The following AFF3 variants were observed in gnomAD, a reference collection of about 807,000 sequenced individuals.
AFF3 encodes the protein AF4/FMR2 family member 3.
A neutral mutation model predicts 129.7 loss-of-function variants in AFF3; 32 were observed. That is an observed-to-expected ratio of 0.25 (90% CI 0.19 to 0.33). The LOEUF (loss-of-function observed/expected upper bound fraction) is 0.33, where lower values mean the gene tolerates loss of function less well. Ranked by LOEUF, AFF3 falls within the 10% of genes least tolerant of loss-of-function variation. AFF3 has a pLI of 1.00. For missense variants in AFF3, 1,373 were observed against 1,592.0 expected (o/e 0.86, Z 2.34); for synonymous variants, 644 against 635.4 (o/e 1.01, Z -0.20).
chr2:99,611,886 C>CAA (rs36056201), intron 13 of AFF3, among the ~76,000 whole-genome samples: 22,578 of 145,030 alleles, frequency 0.16, 2,107 homozygotes, highest in South Asian at 0.24. Context: ...GATATCATCT[C>CAA]AAAAAAAAAA....
intron 7 of AFF3, among the ~76,000 whole-genome samples, chr2:99,992,230 G>T (rs989333130): frequency 6.6e-6 from 1 of 151,840 alleles, no homozygotes; most frequent in Non-Finnish European, 1.5e-5. Flanking sequence ...AGGAAATACA[G>T]CTCAGAAAAA....
chr2:99,947,674 A>AGATC (rs1375374932), intron 7 of AFF3, among the ~76,000 whole-genome samples: 284 of 152,130 alleles, frequency 1.9e-3, no homozygotes, highest in Non-Finnish European at 2.9e-3. Flanking sequence ...ACAGACAGAT[A>AGATC]GATCGATCCA....
At chr2:99,883,702 C>T (rs1238438947) in intron 7 of AFF3, among the ~76,000 whole-genome samples, 2 of 152,146 alleles carry the variant, frequency 1.3e-5, no homozygotes, top group Admixed American at 1.3e-4. Context: ...CTTCTCTTCC[C>T]TTCCCAACTG....
chr2:100,008,786 GAGATGAAC>G lies in AFF3; in HGVS notation c.174+18_174+25del. 2 of 1,610,102 alleles carry G rather than the reference GAGATGAAC, an allele frequency of 1.2e-6. No individual in the cohort carries two copies. The highest frequency in any genetic ancestry group is 1.7e-6 in the Non-Finnish European group (2 of 1,177,994). On this transcript the variant is annotated intron_variant, in intron 5 of 24. Coordinates refer to ENST00000672756, the MANE Select transcript of AFF3 (RefSeq NM_001386135.1). ...GAGTGAGAGAAACAAGTGAGAGGTAGAGATGAACAACTGAAAACCATCTACCTTGTAGG... is the reference window on the plus strand; with the variant it reads ...GAGTGAGAGAAACAAGTGAGAGGTAGAACTGAAAACCATCTACCTTGTAGG...
chr2:100,105,199 C>T lies in AFF3; in HGVS notation c.-65+305G>A, dbSNP rs1469763995. On this transcript the variant is annotated intron_variant, in intron 3 of 24. Coordinates refer to ENST00000672756, the MANE Select transcript of AFF3 (RefSeq NM_001386135.1). ...CCTTGCCCGGGCTGCACGCACTTCT[C>T]CCGCGGCCCAGAATCCACTTGACCC... 7 of 656,718 alleles carry T rather than the reference C, an allele frequency of 1.1e-5. No individual in the cohort carries two copies. The Admixed American group carries it at 2.1e-4, about 19-fold the overall frequency. 40.7% of individuals were successfully genotyped at this position (656,718 alleles called of 1,614,324 possible).
intron 7 of AFF3, among the ~76,000 whole-genome samples, chr2:99,986,673 T>A (rs1287284526): frequency 6.6e-6 from 1 of 152,190 alleles, no homozygotes; most frequent in African/African-American, 2.4e-5. Flanking sequence ...TAAAGAACAA[T>A]AATTCATACA....
At chr2:99,714,973 C>T (rs1008270360) in intron 11 of AFF3, among the ~76,000 whole-genome samples, 2 of 152,210 alleles carry the variant, frequency 1.3e-5, no homozygotes, top group African/African-American at 4.8e-5. Context: ...GGGCATCATC[C>T]AGACCTGCTC....
At chr2:100,057,132 C>T (rs929096218) in intron 4 of AFF3, among the ~76,000 whole-genome samples, 3 of 152,014 alleles carry the variant, frequency 2.0e-5, no homozygotes, top group Admixed American at 1.3e-4. Context: ...ACCAGCGTGG[C>T]CAACACGGTG....
At chr2:99,759,442 ATTTAC>A (rs1422536438) in intron 8 of AFF3, among the ~76,000 whole-genome samples, 4 of 37,050 alleles carry the variant, frequency 1.1e-4, no homozygotes, top group African/African-American at 4.1e-4. Context: ...TGAGAGGGAT[ATTTAC>A]TTATCTTTGT....
intron 11 of AFF3, among the ~76,000 whole-genome samples, chr2:99,694,385 G>A (rs1208844474): frequency 1.3e-5 from 2 of 152,116 alleles, no homozygotes; most frequent in Non-Finnish European, 2.9e-5. Context: ...GCTATGAGCA[G>A]TAGGCCACAG....
intron 12 of AFF3, among the ~76,000 whole-genome samples, chr2:99,672,052 A>G (rs1687187571): frequency 6.6e-6 from 1 of 152,084 alleles, no homozygotes; most frequent in African/African-American, 2.4e-5. Flanking sequence ...TCACCTCTAC[A>G]TTTGCTCCTT....
chr2:99,739,936 A>G (rs1289917426), intron 10 of AFF3, among the ~76,000 whole-genome samples: 10 of 149,098 alleles, frequency 6.7e-5, no homozygotes, highest in South Asian at 4.4e-4. Context: ...AACATTAGGT[A>G]TATCTCCTAA....
chr2:99,853,727 T>C (rs74684393), intron 7 of AFF3, among the ~76,000 whole-genome samples: 5,192 of 152,314 alleles, frequency 0.034, 139 homozygotes, highest in East Asian at 0.064. Context: ...GCCACGTCTG[T>C]GCTCTTAACT....
intron 8 of AFF3, among the ~76,000 whole-genome samples, chr2:99,835,502 A>C (rs1344700): frequency 0.63 from 95,549 of 151,826 alleles, 31,097 homozygotes; most frequent in South Asian, 0.79. Flanking sequence ...CATAGACAGA[A>C]AGCCATTCCA....
Position 99,744,153 on chromosome 2 carries a change from G to A in AFF3, c.1003-13C>T, listed in dbSNP as rs776166566. ...CAAGCTGAGAGTCCTGAAAGAACAAGAAATATCAATTAATTTTCTTATTTT... is the reference window on the plus strand; with the variant it reads ...CAAGCTGAGAGTCCTGAAAGAACAAAAAATATCAATTAATTTTCTTATTTT... On this transcript the variant is annotated splice_polypyrimidine_tract_variant and intron_variant, in intron 9 of 24. Coordinates refer to ENST00000672756, the MANE Select transcript of AFF3 (RefSeq NM_001386135.1). The A allele has an allele frequency of 1.3e-6, 2 of 1,597,590 alleles. No individual in the cohort carries two copies. Among genetic ancestry groups the A allele is most frequent in the Non-Finnish European group, 8.5e-7 (1 of 1,171,474 alleles).
chr2:99,772,377 C>T (rs1364194049), intron 8 of AFF3, among the ~76,000 whole-genome samples: 1 of 152,158 alleles, frequency 6.6e-6, no homozygotes, highest in Non-Finnish European at 1.5e-5. Context: ...TTAGATGCAA[C>T]CCATTCCACC....
chr2:99,755,602 T>C (rs1294751241), intron 8 of AFF3, among the ~76,000 whole-genome samples: 1 of 152,156 alleles, frequency 6.6e-6, no homozygotes, highest in Non-Finnish European at 1.5e-5. Context: ...GGCAATCTTA[T>C]GGGCACCCCC....
intron 4 of AFF3, among the ~76,000 whole-genome samples, chr2:100,018,032 G>GTGTATA (rs372741359): frequency 0.01 from 1,508 of 150,024 alleles, 10 homozygotes; most frequent in Middle Eastern, 0.038. Context: ...GTGTGTGTGT[G>GTGTATA]TATATATATA....
intron 8 of AFF3, among the ~76,000 whole-genome samples, chr2:99,782,508 C>T (rs1209403880): frequency 2.6e-5 from 4 of 152,208 alleles, no homozygotes; most frequent in East Asian, 1.9e-4. Context: ...AAAGCTTTTC[C>T]GCGGCAATCC....
Sources: gnomAD v4.1 joint callset for allele counts (sites outside exome capture counted in the v4.1 genomes callset) on GRCh38, gnomAD v4.1.1 for gene constraint, MANE v1.5 for transcripts, NCBI Gene and HGNC (gene_info 2026-07-23, HGNC 2026-07-21) for gene names.